KAZN: variants seen among roughly 807,000 people sequenced by gnomAD.
KAZN encodes the protein kazrin.
KAZN carries 40 observed loss-of-function variants against 87.4 expected under a neutral mutation model. The observed-to-expected ratio is 0.46, with a 90% confidence interval of 0.36 to 0.60. The LOEUF (loss-of-function observed/expected upper bound fraction) is 0.60, where lower values mean the gene tolerates loss of function less well. Ranked by LOEUF, KAZN falls within the 20% of genes least tolerant of loss-of-function variation. The pLI is 0.00. For missense variants in KAZN, 898 were observed against 1,073.9 expected, an observed-to-expected ratio of 0.84 and a Z score of 2.29; for synonymous variants, 466 against 458.3, an observed-to-expected ratio of 1.02 and a Z score of -0.22.
intron 2 of KAZN, among the ~76,000 whole-genome samples, chr1:14,327,310 C>A (rs747380246): frequency 7.9e-5 from 12 of 152,152 alleles, no homozygotes; most frequent in Non-Finnish European, 1.6e-4. Context: ...AGGTTGGAAA[C>A]CTCTGACCAC....
intron 2 of KAZN, among the ~76,000 whole-genome samples, chr1:14,388,287 C>T (rs549690965): frequency 3.6e-4 from 55 of 152,294 alleles, no homozygotes; most frequent in African/African-American, 6.3e-4. Context: ...GCATTGCTCA[C>T]GCTGGGAGCT....
At chr1:14,665,104 C>T (rs559014418) in intron 1 of KAZN, among the ~76,000 whole-genome samples, 199 of 152,232 alleles carry the variant, frequency 1.3e-3, no homozygotes, top group Non-Finnish European at 2.0e-3. Context: ...CTCTTTATTC[C>T]GCTGCCCCAA....
chr1:14,688,186 C>T (rs1215612465), intron 1 of KAZN, among the ~76,000 whole-genome samples: 2 of 152,210 alleles, frequency 1.3e-5, no homozygotes, highest in Admixed American at 6.5e-5. Flanking sequence ...GGGTTACAGA[C>T]AGGCTGCCAT....
intron 1 of KAZN, among the ~76,000 whole-genome samples, chr1:14,677,513 A>G (rs1417499755): frequency 6.6e-6 from 1 of 151,968 alleles, no homozygotes; most frequent in Non-Finnish European, 1.5e-5. Context: ...GGACTCCAAG[A>G]ATTCTGAGAG....
intron 1 of KAZN, among the ~76,000 whole-genome samples, chr1:14,785,453 G>C (rs1219686696): frequency 2.6e-5 from 4 of 152,160 alleles, no homozygotes; most frequent in African/African-American, 4.8e-5. Flanking sequence ...CCTGTGGACA[G>C]AATGGATACC....
intron 1 of KAZN, among the ~76,000 whole-genome samples, chr1:14,733,530 G>GAA (rs1643777712): frequency 6.6e-6 from 1 of 152,116 alleles, no homozygotes; most frequent in African/African-American, 2.4e-5. Context: ...TTCAGAGTCG[G>GAA]GCAGAGATGC....
intron 1 of KAZN, among the ~76,000 whole-genome samples, chr1:14,063,910 G>A (rs1456488346): frequency 6.6e-6 from 1 of 151,920 alleles, no homozygotes; most frequent in Non-Finnish European, 1.5e-5. Flanking sequence ...TGATTGTGAG[G>A]CCTCCCCAGC....
intron 1 of KAZN, among the ~76,000 whole-genome samples, chr1:14,953,154 A>G (rs1662695913): frequency 6.6e-6 from 1 of 152,256 alleles, no homozygotes; most frequent in Non-Finnish European, 1.5e-5. Flanking sequence ...TGGAATGGAC[A>G]GGCTGACTCC....
chr1:14,952,989 A>G (rs1662677744), intron 1 of KAZN, among the ~76,000 whole-genome samples: 1 of 151,934 alleles, frequency 6.6e-6, no homozygotes. Context: ...CCACAGGTCA[A>G]ATAGCTGGGA....
chr1:14,379,626 G>A (rs1256153305), intron 2 of KAZN, among the ~76,000 whole-genome samples: 1 of 152,280 alleles, frequency 6.6e-6, no homozygotes, highest in East Asian at 1.9e-4. Context: ...TAGGCCTGTG[G>A]GGGTGGTGGC....
chr1:14,122,001 C>A (rs1644761970), intron 1 of KAZN, among the ~76,000 whole-genome samples: 2 of 152,130 alleles, frequency 1.3e-5, no homozygotes, highest in Non-Finnish European at 2.9e-5. Context: ...GTAGATGAGG[C>A]TAGAGAAGTA....
rs143814432 is a variant in KAZN at position 14,783,898 on chromosome 1, T to A, written c.227-176786T>A. ...GAGAGACTGCGATGAATAGAGGTTA[T>A]GAGGACCAAACTGGAGAGGCGAGGA... On this transcript the variant is annotated intron_variant, in intron 1 of 14. Coordinates refer to ENST00000376030, the MANE Select transcript of KAZN (RefSeq NM_201628.3). Among the ~76,000 whole-genome samples, 502 of 152,228 alleles carry A rather than the reference T, an allele frequency of 3.3e-3. 3 individuals are homozygous for A. Among genetic ancestry groups the A allele is most frequent in the African/African-American group, 0.011 (469 of 41,532 alleles).
At chr1:14,858,202 T>TCTTTTG (rs1444283763) in intron 1 of KAZN, among the ~76,000 whole-genome samples, 47 of 125,050 alleles carry the variant, frequency 3.8e-4, no homozygotes, top group East Asian at 3.4e-3. Flanking sequence ...TTTTCTTTTT[T>TCTTTTG]CTTTTTCTTT....
intron 2 of KAZN, among the ~76,000 whole-genome samples, chr1:14,308,141 G>A (rs886983299): frequency 6.6e-6 from 1 of 152,180 alleles, no homozygotes; most frequent in Admixed American, 6.5e-5. Context: ...AAAGGCTCTG[G>A]ATTAAAGACA....
chr1:14,794,523 G>A (rs888081741), intron 1 of KAZN, among the ~76,000 whole-genome samples: 11 of 152,184 alleles, frequency 7.2e-5, no homozygotes, highest in African/African-American at 1.2e-4. Context: ...TTCTCACTGC[G>A]GGGCCAGGGT....
At chr1:14,854,922 A>G (rs1649891628) in intron 1 of KAZN, among the ~76,000 whole-genome samples, 1 of 152,168 alleles carries the variant, frequency 6.6e-6, no homozygotes, top group Non-Finnish European at 1.5e-5. Flanking sequence ...GGGTCCAGCC[A>G]ATATTCTCAA....
intron 1 of KAZN, among the ~76,000 whole-genome samples, chr1:14,089,879 A>T (rs1419429464): frequency 6.6e-6 from 1 of 152,190 alleles, no homozygotes; most frequent in Non-Finnish European, 1.5e-5. Context: ...ACCATTATTT[A>T]AAAAATATTT....
chr1:14,377,697 T>A (rs1661027627), intron 2 of KAZN, among the ~76,000 whole-genome samples: 1 of 152,214 alleles, frequency 6.6e-6, no homozygotes, highest in Admixed American at 6.5e-5. Context: ...TTTTCTAGTA[T>A]GGAAAGCCTG....
rs1424730379 is a variant in KAZN at position 15,103,372 on chromosome 1, G to A, written c.1793G>A (p.Arg598His). ...TCTCCCCACAAGGCCCTCCAGGAGC[G>A]CCGGGCCCGCTGCGAGACGCAGAAC... ...VNFSREALQE[R>H]RARCETQNID... Residue 598 changes from arginine to histidine, a missense_variant, in exon 12 of 15, where the codon CGC becomes CAC. Coordinates refer to ENST00000376030, the MANE Select transcript of KAZN (RefSeq NM_201628.3). 1.3e-6 allele frequency: 2 copies of A among 1,551,406 alleles called. No homozygotes were observed. Among genetic ancestry groups the A allele is most frequent in the African/African-American group, 1.4e-5 (1 of 73,030 alleles).
Sources: gnomAD v4.1 joint callset for allele counts (sites outside exome capture counted in the v4.1 genomes callset) on GRCh38, gnomAD v4.1.1 for gene constraint, MANE v1.5 for transcripts, NCBI Gene and HGNC (gene_info 2026-07-23, HGNC 2026-07-21) for gene names.